Variants in WASHC5 observed in about 807,000 individuals in gnomAD.
The protein encoded by WASHC5 is WASH complex subunit 5, also known as WASH complex subunit strumpellin.
In WASHC5, 101 loss-of-function variants were observed where a neutral mutation model predicts 150.4. That is an observed-to-expected ratio of 0.67 (90% CI 0.57 to 0.79). The LOEUF is 0.79. Among genes scored for constraint, WASHC5 ranks in the 30% least tolerant of loss-of-function variants. WASHC5 has a pLI of 0.00. For synonymous variants in WASHC5, 467 were observed against 491.2 expected, an observed-to-expected ratio of 0.95 and a Z score of 0.65; for missense variants, 1,195 against 1,396.3, an observed-to-expected ratio of 0.86 and a Z score of 2.30.
At chr8:125,074,017 G>A (rs1414308594) in intron 8 of WASHC5, among the ~76,000 whole-genome samples, 1 of 152,154 alleles carries the variant, frequency 6.6e-6, no homozygotes, top group Non-Finnish European at 1.5e-5. Context: ...TGAAAGCTTA[G>A]CAAAAAATAC....
In WASHC5 at chr8:125,080,409, T is replaced by C. The variant is rs138128764; in HGVS notation, c.518+1252A>G. Among the ~76,000 whole-genome samples, 741 of 152,316 alleles carry C rather than the reference T, an allele frequency of 4.9e-3. 10 individuals are homozygous for C. Among genetic ancestry groups the C allele is most frequent in the African/African-American group, 0.016 (666 of 41,564 alleles). ...TGGTCAAACTGACATGAATGAACACTGCTAGAACACTCCCTTCAGCTGAAA... is the reference window on the plus strand; with the variant it reads ...TGGTCAAACTGACATGAATGAACACCGCTAGAACACTCCCTTCAGCTGAAA... On this transcript the variant is annotated intron_variant, in intron 5 of 28. Coordinates refer to ENST00000318410, the MANE Select transcript of WASHC5 (RefSeq NM_014846.4).
At chr8:125,082,976 G>C in intron 3 of WASHC5, 137 bp downstream of exon 3, 1 of 604,680 alleles carries the variant, frequency 1.7e-6, no homozygotes, top group South Asian at 2.2e-5. Flanking sequence ...GCCACAGGTA[G>C]GAAAAGACAA....
chr8:125,078,925 G>A lies in WASHC5; in HGVS notation c.524C>T (p.Ala175Val), dbSNP rs760924345. The A allele has an allele frequency of 6.2e-7, 1 of 1,613,248 alleles. No individual in the cohort carries two copies. The highest frequency in any genetic ancestry group is 1.7e-5 in the Admixed American group (1 of 59,956). Residue 175 changes from alanine to valine, a missense_variant, in exon 6 of 29, where the codon GCT becomes GTT. Ala to Val is a moderately conservative substitution (Grantham distance 64). This residue lies in a region of WASHC5 where 195 missense variants were observed against 206.9 expected (regional missense o/e 0.94). Coordinates refer to ENST00000318410, the MANE Select transcript of WASHC5 (RefSeq NM_014846.4). ...MLVSYYRYSAARSSADSNMDD... is the reference protein window; with the variant it reads ...MLVSYYRYSAVRSSADSNMDD... ...CATATTTGAATCAGCAGAAGATCGA[G>A]CAGCACTGAGTCATATTCACAATGG...
chr8:125,084,879 A>C (rs1817373299), intron 1 of WASHC5, among the ~76,000 whole-genome samples: 1 of 152,228 alleles, frequency 6.6e-6, no homozygotes, highest in Non-Finnish European at 1.5e-5. Context: ...AGTAGGTTAG[A>C]GGTAGTCCTA....
rs577795875 is a variant in WASHC5 at position 125,076,581 on chromosome 8, T to G, written c.712-81A>C. On this transcript the variant is annotated intron_variant, in intron 6 of 28. Coordinates refer to ENST00000318410, the MANE Select transcript of WASHC5 (RefSeq NM_014846.4). The stretch of plus-strand genomic sequence containing the variant: ...ATGCTCAAATTAAACTCTCTGGTTG[T>G]AAGACACATCAGTTTTTCCAAAGCC... The G allele has an allele frequency of 3.7e-5, 56 of 1,531,960 alleles. No homozygotes were observed. In the African/African-American group the frequency reaches 7.2e-4, roughly 20 times the overall value. 94.9% of individuals were successfully genotyped at this position (1,531,960 alleles called of 1,614,324 possible).
intron 6 of WASHC5, among the ~76,000 whole-genome samples, chr8:125,077,148 A>G (rs1257889078): frequency 6.6e-6 from 1 of 152,218 alleles, no homozygotes; most frequent in Non-Finnish European, 1.5e-5. Flanking sequence ...CACAAAGCAC[A>G]TATCACCTTG....
chr8:125,038,809 T>C (rs1344558059), intron 25 of WASHC5, 21 bp downstream of exon 25: 1 of 1,613,102 alleles, frequency 6.2e-7, no homozygotes, highest in Non-Finnish European at 8.5e-7. Context: ...ATCCCCGCCA[T>C]TATATATTTT....
chr8:125,076,038 GAATA>G (rs935091599), intron 7 of WASHC5, among the ~76,000 whole-genome samples: 27 of 152,176 alleles, frequency 1.8e-4, no homozygotes, highest in South Asian at 1.5e-3. Flanking sequence ...AAATGGAAAA[GAATA>G]AATAAATTCT....
intron 9 of WASHC5, among the ~76,000 whole-genome samples, chr8:125,072,371 C>T (rs1463906722): frequency 9.6e-5 from 11 of 114,240 alleles, no homozygotes; most frequent in Admixed American, 1.8e-4. Flanking sequence ...GGGGCGGGCT[C>T]TTATTTTATT....
chr8:125,083,328 T>G, intron 2 of WASHC5, 70 bp from the exon 3 acceptor site: 1 of 1,462,868 alleles, frequency 6.8e-7, no homozygotes, highest in Non-Finnish European at 9.5e-7. Context: ...TAAATAGTCT[T>G]TTAAAAATTT....
intron 12 of WASHC5, among the ~76,000 whole-genome samples, chr8:125,060,605 T>G (rs1816566292): frequency 6.6e-6 from 1 of 152,144 alleles, no homozygotes; most frequent in African/African-American, 2.4e-5. Flanking sequence ...GGTACAATCA[T>G]TTTTGAGTTG....
At chr8:125,075,916 T>C (rs1817046664) in intron 7 of WASHC5, among the ~76,000 whole-genome samples, 1 of 152,220 alleles carries the variant, frequency 6.6e-6, no homozygotes, top group Non-Finnish European at 1.5e-5. Flanking sequence ...TGCAATAATA[T>C]AAACTTTAGT....
At chr8:125,091,037 G>C (rs1301994121) in intron 1 of WASHC5, among the ~76,000 whole-genome samples, 1 of 152,048 alleles carries the variant, frequency 6.6e-6, no homozygotes, top group Non-Finnish European at 1.5e-5. Context: ...CTTGCAATCA[G>C]GAGACCCAGT....
intron 7 of WASHC5, among the ~76,000 whole-genome samples, chr8:125,075,382 C>T (rs1279201613): frequency 6.6e-6 from 1 of 151,834 alleles, no homozygotes; most frequent in African/African-American, 2.4e-5. Context: ...GTTTTCTCAC[C>T]AGTTGTTTTA....
rs759617339 is a variant in WASHC5 at position 125,056,947 on chromosome 8, T to C, written c.1876-130A>G. 4.0e-5 allele frequency: 41 copies of C among 1,013,746 alleles called. 1 individual carries two copies. The highest frequency in any genetic ancestry group is 6.3e-5 in the Non-Finnish European group (41 of 645,818). The allele number at this position is 1,013,746 out of a possible 1,614,324, so 62.8% of individuals were successfully genotyped here. A position where few individuals can be genotyped will look rare whatever the true frequency, so the allele number is the denominator to read the frequency against. Reference sequence around the variant, plus strand: ...AATGTAAAAGAGCTGTTTTAATAACTGCTGGCAGGCACAGGGCTCCATTCC... The same window carrying C: ...AATGTAAAAGAGCTGTTTTAATAACCGCTGGCAGGCACAGGGCTCCATTCC... On this transcript the variant is annotated intron_variant, in intron 15 of 28. Transcript: ENST00000318410.
chr8:125,065,617 TC>T (rs201913049), intron 10 of WASHC5, among the ~76,000 whole-genome samples: 14 of 148,120 alleles, frequency 9.5e-5, no homozygotes, highest in African/African-American at 3.2e-4. Flanking sequence ...TTTCTTTCAT[TC>T]CTTTTTTTTT....
At position 125,051,610 on chromosome 8, in the gene WASHC5, G is replaced by A. The variant is rs191085643; in HGVS notation, c.2098-945C>T. 2.2e-4 allele frequency among the ~76,000 whole-genome samples: 33 copies of A among 152,350 alleles called. 1 individual carries two copies. The highest frequency in any genetic ancestry group is 7.2e-4 in the African/African-American group (30 of 41,588). On this transcript the variant is annotated intron_variant, in intron 17 of 28. Coordinates refer to ENST00000318410, the MANE Select transcript of WASHC5 (RefSeq NM_014846.4). Reference sequence around the variant, plus strand: ...AAAGGGAAAGAAAGGAAGGAGGGCCGGGCGTGGTGACTCACGCCTGTAATC... The same window carrying A: ...AAAGGGAAAGAAAGGAAGGAGGGCCAGGCGTGGTGACTCACGCCTGTAATC...
chr8:125,079,452 A>T (rs1298137960), intron 5 of WASHC5, among the ~76,000 whole-genome samples: 2 of 151,874 alleles, frequency 1.3e-5, no homozygotes, highest in Admixed American at 1.3e-4. Context: ...TGTCCTCCCA[A>T]AGTGCTGGGA....
At chr8:125,079,981 T>C (rs1348078781) in intron 5 of WASHC5, among the ~76,000 whole-genome samples, 1 of 152,208 alleles carries the variant, frequency 6.6e-6, no homozygotes, top group Non-Finnish European at 1.5e-5. Context: ...CAATTTAAAG[T>C]AAAATATATC....
Sources: allele counts gnomAD v4.1 joint callset (sites outside exome capture counted in the v4.1 genomes callset), GRCh38; gene constraint gnomAD v4.1.1; regional missense constraint gnomAD v4.1.1; transcripts MANE v1.5; gene names NCBI Gene and HGNC (gene_info 2026-07-23, HGNC 2026-07-21).